CAPS2: variants seen among roughly 807,000 people sequenced by gnomAD.
CAPS2 encodes the protein calcyphosine 2.
CAPS2 carries 98 observed loss-of-function variants against 86.5 expected under a neutral mutation model. The ratio of observed to expected loss-of-function variants is 1.13; its 90% CI spans 0.96 to 1.34. The LOEUF (loss-of-function observed/expected upper bound fraction) is 1.34. Among genes scored for constraint, CAPS2 ranks in the 40% most tolerant of loss-of-function variants. The pLI is 0.00. For missense variants in CAPS2, 729 were observed against 686.8 expected (o/e 1.06, Z -0.69); for synonymous variants, 210 against 225.1 (o/e 0.93, Z 0.60).
At chr12:75,390,274 C>A in intron 1 of CAPS2, 1 of 455,862 alleles carries the variant, frequency 2.2e-6, no homozygotes, top group Non-Finnish European at 4.4e-6. Flanking sequence ...TAGATATTAG[C>A]CAATTTTGTC....
intron 1 of CAPS2, chr12:75,344,022 C>T: frequency 8.8e-7 from 1 of 1,138,116 alleles, no homozygotes; most frequent in Non-Finnish European, 1.2e-6. Context: ...TGTAAAGTGC[C>T]TTTATTTTTC....
intron 1 of CAPS2, among the ~76,000 whole-genome samples, chr12:75,342,615 G>A (rs1376493204): frequency 6.6e-6 from 1 of 151,964 alleles, no homozygotes; most frequent in Non-Finnish European, 1.5e-5. Context: ...ATTGATATCT[G>A]GTAGAGAAAG....
At chr12:75,328,668 A>G (rs113952662), upstream of CAPS2, among the ~76,000 whole-genome samples, 342 of 152,352 alleles carry the variant, frequency 2.2e-3, no homozygotes, top group East Asian at 4.8e-3. Context: ...CACAATGCCA[A>G]CATACAAATT....
chr12:75,369,788 T>C, intron 1 of CAPS2: 1 of 983,402 alleles, frequency 1.0e-6, no homozygotes, highest in Non-Finnish European at 1.2e-6. Flanking sequence ...GTAGGAAGCA[T>C]CGTAAAGAGT....
intron 1 of CAPS2, among the ~76,000 whole-genome samples, chr12:75,351,330 A>G (rs1222524652): frequency 1.3e-5 from 2 of 152,202 alleles, no homozygotes; most frequent in African/African-American, 4.8e-5. Flanking sequence ...CAGGAAATCC[A>G]GAGAACCCCC....
At chr12:75,288,115 CAT>C (rs1466779868) in intron 14 of CAPS2, among the ~76,000 whole-genome samples, 5 of 152,172 alleles carry the variant, frequency 3.3e-5, no homozygotes, top group Admixed American at 1.3e-4. Context: ...TATTCACACT[CAT>C]GTGATTGTAA....
intron 13 of CAPS2, among the ~76,000 whole-genome samples, chr12:75,291,447 C>A (rs1366510529): frequency 8.8e-6 from 1 of 113,408 alleles, no homozygotes; most frequent in Admixed American, 1.0e-4. Flanking sequence ...TAAGGAAAAT[C>A]TTAAAACGTT....
intron 2 of CAPS2, among the ~76,000 whole-genome samples, chr12:75,323,532 TC>T (rs1431947535): frequency 6.6e-6 from 1 of 152,078 alleles, no homozygotes; most frequent in East Asian, 1.9e-4. Flanking sequence ...TCACCTGAGG[TC>T]GGGAGATCGA....
At chr12:75,278,434 C>T (rs1438027268) in exon 17 of CAPS2, 2 of 984,938 alleles carry the variant, frequency 2.0e-6, no homozygotes, top group East Asian at 2.3e-4. Context: ...TGGCTTTGGG[C>T]CCAATTCTAA....
intron 12 of CAPS2, 31 bp downstream of exon 12, chr12:75,293,218 T>C: frequency 7.7e-7 from 1 of 1,297,742 alleles, no homozygotes; most frequent in Middle Eastern, 1.8e-4. Context: ...TTTCACCTAC[T>C]TTCAAATTGC....
upstream of CAPS2, among the ~76,000 whole-genome samples, chr12:75,332,364 A>G: frequency 6.6e-6 from 1 of 152,198 alleles, no homozygotes; most frequent in East Asian, 1.9e-4. Flanking sequence ...TCATTCATTA[A>G]TGCAGCCAAC....
chr12:75,298,090 G>C (rs948401566), intron 11 of CAPS2: 1 of 152,258 alleles, frequency 6.6e-6, no homozygotes, highest in East Asian at 1.9e-4. Context: ...TTACCTGAAT[G>C]ATCACTGTGG....
intron 1 of CAPS2, among the ~76,000 whole-genome samples, chr12:75,351,809 A>G (rs2042834340): frequency 6.6e-6 from 1 of 152,206 alleles, no homozygotes; most frequent in African/African-American, 2.4e-5. Context: ...GGCCTCCCAA[A>G]GTGCTGGGAT....
chr12:75,364,137 T>C (rs965710686), intron 1 of CAPS2, among the ~76,000 whole-genome samples: 3 of 152,218 alleles, frequency 2.0e-5, no homozygotes, highest in African/African-American at 7.2e-5. Context: ...AAAGAGTCTC[T>C]TCTATTAGAC....
At chr12:75,386,511 A>G (rs1320093969) in intron 1 of CAPS2, among the ~76,000 whole-genome samples, 1 of 152,134 alleles carries the variant, frequency 6.6e-6, no homozygotes, top group African/African-American at 2.4e-5. Flanking sequence ...TCACTCCCTC[A>G]ATATTTTACC....
intron 5 of CAPS2, 68 bp from the exon 6 acceptor site, chr12:75,316,502 G>A (rs994470703): frequency 7.4e-7 from 1 of 1,348,692 alleles, no homozygotes. Context: ...ACAAAATATG[G>A]GAATAGATAA....
intron 1 of CAPS2, among the ~76,000 whole-genome samples, chr12:75,388,020 G>A (rs2045379469): frequency 1.3e-5 from 2 of 152,148 alleles, no homozygotes; most frequent in Non-Finnish European, 2.9e-5. Flanking sequence ...ATATGGTTTG[G>A]CTCTGTGTCC....
intron 6 of CAPS2, 134 bp from the exon 7 acceptor site, chr12:75,313,049 ATAGAT>A (rs1252701522): frequency 1.1e-4 from 49 of 449,418 alleles, no homozygotes; most frequent in African/African-American, 7.0e-4. Context: ...GATTACTATT[ATAGAT>A]TATAGATTAC....
upstream of CAPS2, chr12:75,326,578 A>G: frequency 1.2e-6 from 1 of 802,422 alleles, no homozygotes; most frequent in Admixed American, 2.2e-5. Flanking sequence ...CTCTAATTTT[A>G]AATAAGTCAT....
Sources: gnomAD v4.1 joint callset for allele counts (sites outside exome capture counted in the v4.1 genomes callset) on GRCh38, gnomAD v4.1.1 for gene constraint, MANE v1.5 for transcripts, NCBI Gene and HGNC (gene_info 2026-07-23, HGNC 2026-07-21) for gene names.